The following F13A1 variants were observed in gnomAD, a reference collection of about 807,000 sequenced individuals.
F13A1 encodes FSF, A subunit.
In F13A1, 47 loss-of-function variants were observed where a neutral mutation model predicts 80.1. The observed-to-expected ratio is 0.59, with a 90% confidence interval of 0.46 to 0.75. F13A1 has a LOEUF of 0.75. F13A1 is among the 30% of genes least tolerant of loss of function. The pLI, the probability that F13A1 is intolerant of heterozygous loss-of-function variation, is 0.00. For missense variants in F13A1, 817 were observed against 930.4 expected (o/e 0.88, Z 1.59); for synonymous variants, 349 against 344.9 (o/e 1.01, Z -0.13).
chr6:6,181,465 G>T (rs1177341468), intron 11 of F13A1, among the ~76,000 whole-genome samples: 1 of 152,176 alleles, frequency 6.6e-6, no homozygotes, highest in African/African-American at 2.4e-5. Flanking sequence ...CATTATTTTG[G>T]AATTGAAACT....
intron 3 of F13A1, among the ~76,000 whole-genome samples, chr6:6,301,348 C>T (rs918843153): frequency 6.6e-6 from 1 of 152,186 alleles, no homozygotes; most frequent in Admixed American, 6.5e-5. Flanking sequence ...TTAATTTCTA[C>T]ACTAAATAGT....
intron 3 of F13A1, among the ~76,000 whole-genome samples, chr6:6,288,518 G>A (rs1758169097): frequency 1.3e-5 from 2 of 152,146 alleles, no homozygotes; most frequent in Admixed American, 1.3e-4. Context: ...TCTAAGGGCT[G>A]TATAGTACTC....
chr6:6,308,606 CTTTTT>C (rs770570204), intron 2 of F13A1, among the ~76,000 whole-genome samples: 900 of 88,848 alleles, frequency 0.01, 5 homozygotes, highest in African/African-American at 0.038. Flanking sequence ...AAAACACATT[CTTTTT>C]TTTTTTTTTT....
chr6:6,197,099 C>T, intron 9 of F13A1, 124 bp downstream of exon 9: 1 of 819,380 alleles, frequency 1.2e-6, no homozygotes, highest in Non-Finnish European at 2.1e-6. Context: ...TGTACATGTG[C>T]CCAGGAAGCA....
At chr6:6,156,700 A>G (rs1760483829) in intron 13 of F13A1, among the ~76,000 whole-genome samples, 1 of 152,202 alleles carries the variant, frequency 6.6e-6, no homozygotes, top group African/African-American at 2.4e-5. Flanking sequence ...TAATGGTTCT[A>G]GGGTGGTTAG....
chr6:6,205,729 T>TGTA (rs1352424547), intron 8 of F13A1, among the ~76,000 whole-genome samples: 1 of 152,138 alleles, frequency 6.6e-6, no homozygotes, highest in East Asian at 1.9e-4. Context: ...TTTTTTTTAG[T>TGTA]GTAGTACCTC....
chr6:6,157,032 C>T (rs1246101125), intron 13 of F13A1, among the ~76,000 whole-genome samples: 2 of 152,286 alleles, frequency 1.3e-5, no homozygotes, highest in South Asian at 2.1e-4. Flanking sequence ...CAAGTTCACA[C>T]CATTAGTAAG....
chr6:6,184,853 G>A (rs531406461), intron 10 of F13A1, among the ~76,000 whole-genome samples: 1 of 152,228 alleles, frequency 6.6e-6, no homozygotes, highest in South Asian at 2.1e-4. Context: ...TGTATGGGGT[G>A]GCTTTTGTAT....
At chr6:6,148,883 T>C (rs1047118907) in intron 14 of F13A1, among the ~76,000 whole-genome samples, 3 of 152,096 alleles carry the variant, frequency 2.0e-5, no homozygotes, top group Non-Finnish European at 4.4e-5. Flanking sequence ...AATAAAATCC[T>C]GCCATTTGTA....
In F13A1 at chr6:6,215,327, C is replaced by T. The variant is rs1228094156; in HGVS notation, c.1112+6706G>A. On this transcript the variant is annotated intron_variant, in intron 8 of 14. Transcript: ENST00000264870. ...TCCAGCAGCACATCAAAAAGCTTATCCACCATGATCAAGTGGGCTTCATCC... is the reference window on the plus strand; with the variant it reads ...TCCAGCAGCACATCAAAAAGCTTATTCACCATGATCAAGTGGGCTTCATCC... Among the ~76,000 whole-genome samples the T allele has an allele frequency of 2.4e-4, 26 of 106,186 alleles. No individual in the cohort carries two copies. The East Asian group carries it at 4.0e-3, about 16-fold the overall frequency. The allele number at this position is 106,186 out of a possible 152,430, so 69.7% of individuals were successfully genotyped here.
intron 8 of F13A1, among the ~76,000 whole-genome samples, chr6:6,209,868 A>G (rs541294877): frequency 3.3e-4 from 50 of 152,292 alleles, no homozygotes; most frequent in African/African-American, 1.2e-3. Flanking sequence ...GCTAATAGGT[A>G]TGGCAGAGGG....
chr6:6,156,806 A>G (rs1464257706), intron 13 of F13A1, among the ~76,000 whole-genome samples: 1 of 152,208 alleles, frequency 6.6e-6, no homozygotes, highest in East Asian at 1.9e-4. Context: ...AAATGTAAAA[A>G]ATTCAGTTCC....
At chr6:6,307,849 A>C (rs1284063620) in intron 2 of F13A1, among the ~76,000 whole-genome samples, 1 of 152,134 alleles carries the variant, frequency 6.6e-6, no homozygotes, top group African/African-American at 2.4e-5. Flanking sequence ...TCTTAAGATA[A>C]ACTGACATCT....
chr6:6,212,825 A>G (rs9392759), intron 8 of F13A1, among the ~76,000 whole-genome samples: 21,111 of 151,576 alleles, frequency 0.14, 1,795 homozygotes, highest in East Asian at 0.42. Flanking sequence ...AATACAGAGA[A>G]GTGCTTAAAG....
At chr6:6,300,941 G>A (rs1307276625) in intron 3 of F13A1, among the ~76,000 whole-genome samples, 5 of 151,954 alleles carry the variant, frequency 3.3e-5, no homozygotes, top group African/African-American at 9.7e-5. Flanking sequence ...TTGAAATGGT[G>A]TTGCCAGATT....
rs1397369111 is a variant in F13A1, at chr6:6,174,653, G to A, written c.1674C>T (p.Ile558=). 6.2e-7 allele frequency: 1 copy of A among 1,614,194 alleles called. No individual in the cohort carries two copies. Among genetic ancestry groups the A allele is most frequent in the Non-Finnish European group, 8.5e-7 (1 of 1,180,026 alleles). ...YTITAYLSAN[I]TFYTGVPKAE... is the part of the protein sequence containing the mutation. ...CCTTCGGGACCCCGGTGTAGAAGGTGATGTTGGCTGAGAGATAAGCTGTGA... is the reference window on the plus strand; with the variant it reads ...CCTTCGGGACCCCGGTGTAGAAGGTAATGTTGGCTGAGAGATAAGCTGTGA... Residue 558 remains isoleucine (I), a synonymous_variant, in exon 12 of 15, where the codon ATC becomes ATT. Coordinates refer to ENST00000264870, the MANE Select transcript of F13A1 (RefSeq NM_000129.4).
rs1583060552 is a variant in F13A1 at position 6,185,068 on chromosome 6, T to G, written c.1306-2927A>C. Among the ~76,000 whole-genome samples the G allele has an allele frequency of 2.6e-5, 4 of 151,770 alleles. No homozygotes were observed. The South Asian group carries it at 8.3e-4, about 32-fold the overall frequency. ...GGTAGAACAATAGATAAGTTCAGAG[T>G]GTATGGCAAGGATTATTGGACTTAG... On this transcript the variant is annotated intron_variant, in intron 10 of 14. Coordinates refer to ENST00000264870, the MANE Select transcript of F13A1 (RefSeq NM_000129.4).
chr6:6,229,671 G>A (rs1235495041), intron 6 of F13A1, among the ~76,000 whole-genome samples: 4 of 152,254 alleles, frequency 2.6e-5, no homozygotes, highest in South Asian at 2.1e-4. Flanking sequence ...GATCCAGGTC[G>A]ACTGCAAGAA....
chr6:6,300,176 T>C (rs1465372285), intron 3 of F13A1, among the ~76,000 whole-genome samples: 3 of 125,822 alleles, frequency 2.4e-5, no homozygotes, highest in Non-Finnish European at 4.5e-5. Flanking sequence ...GACATTTAAG[T>C]GTGCAGAGGT....
Sources: allele counts gnomAD v4.1 joint callset (sites outside exome capture counted in the v4.1 genomes callset), GRCh38; gene constraint gnomAD v4.1.1; transcripts MANE v1.5; gene names NCBI Gene and HGNC (gene_info 2026-07-23, HGNC 2026-07-21).